Variants in LRRC8D observed in about 807,000 individuals in gnomAD.
LRRC8D encodes the protein volume-regulated anion channel subunit LRRC8D.
A neutral mutation model predicts 55.8 loss-of-function variants in LRRC8D; 20 were observed. That is an observed-to-expected ratio of 0.36 (90% CI 0.25 to 0.52). LRRC8D has a LOEUF of 0.52. Among genes scored for constraint, LRRC8D ranks in the 20% least tolerant of loss-of-function variants. The pLI, the probability that LRRC8D is intolerant of heterozygous loss-of-function variation, is 0.93. For missense variants in LRRC8D, 651 were observed against 1,030.8 expected (o/e 0.63, Z 5.05); for synonymous variants, 352 against 377.0 (o/e 0.93, Z 0.77).
chr1:89,866,280 C>T (rs1270636778), intron 2 of LRRC8D, among the ~76,000 whole-genome samples: 1 of 152,152 alleles, frequency 6.6e-6, no homozygotes, highest in Non-Finnish European at 1.5e-5. Context: ...TTATCAGCAC[C>T]CCAGGAGTAC....
rs1663129271 is a variant in LRRC8D, at chr1:89,911,308, G to A, written c.-2-21759G>A. On this transcript the variant is annotated intron_variant, in intron 2 of 2. Transcript: ENST00000337338. This position sits in a 1 kb window ranked among gnomAD's most constrained non-coding sequence, Gnocchi z 4.0. ...CAATATGGTGGTTAGCAAGATTAATGTTTACCAGTTTGCTGAAGGGAAAAT... is the reference window on the plus strand; with the variant it reads ...CAATATGGTGGTTAGCAAGATTAATATTTACCAGTTTGCTGAAGGGAAAAT... Among the ~76,000 whole-genome samples, 1 of 151,866 alleles carries A rather than the reference G, an allele frequency of 6.6e-6. No individual in the cohort carries two copies. The highest frequency in any genetic ancestry group is 2.4e-5 in the African/African-American group (1 of 41,342).
intron 2 of LRRC8D, among the ~76,000 whole-genome samples, chr1:89,888,098 G>A (rs1662470457): frequency 6.6e-6 from 1 of 152,210 alleles, no homozygotes; most frequent in South Asian, 2.1e-4. Context: ...GAGGTTGGAG[G>A]ATCCCAGGAT....
chr1:89,896,909 G>T (rs1235159169), intron 2 of LRRC8D, among the ~76,000 whole-genome samples: 1 of 152,150 alleles, frequency 6.6e-6, no homozygotes, highest in Non-Finnish European at 1.5e-5. Context: ...TAGACATTAG[G>T]CTAGACACTT....
chr1:89,826,372 C>A (rs1347843546), intron 1 of LRRC8D, among the ~76,000 whole-genome samples: 1 of 152,102 alleles, frequency 6.6e-6, no homozygotes, highest in Non-Finnish European at 1.5e-5. Flanking sequence ...TCACGCCATT[C>A]TCCTGCCTCA....
chr1:89,861,016 A>G (rs1313458205), intron 2 of LRRC8D, among the ~76,000 whole-genome samples: 1 of 151,908 alleles, frequency 6.6e-6, no homozygotes, highest in Non-Finnish European at 1.5e-5. Context: ...TCAACTTCAA[A>G]GCCATGCAGA....
intron 2 of LRRC8D, among the ~76,000 whole-genome samples, chr1:89,930,651 C>T (rs1223084463): frequency 1.3e-5 from 2 of 152,008 alleles, no homozygotes; most frequent in East Asian, 3.8e-4. Context: ...CCCTTTAAAG[C>T]CATGGTCCCC....
At chr1:89,870,521 C>T (rs1034570256) in intron 2 of LRRC8D, among the ~76,000 whole-genome samples, 3 of 151,902 alleles carry the variant, frequency 2.0e-5, no homozygotes, top group African/African-American at 7.3e-5. Context: ...CTCCTGGCCT[C>T]AGTTTTCTAA....
intron 2 of LRRC8D, among the ~76,000 whole-genome samples, chr1:89,860,775 AAAAAAAAAAAAT>A (rs1661687675): frequency 2.3e-5 from 2 of 85,636 alleles, no homozygotes; most frequent in African/African-American, 3.8e-5. Context: ...AAAAAAAAAA[AAAAAAAAAAAAT>A]ATATATATAT....
At chr1:89,900,384 G>A (rs1036398420) in intron 2 of LRRC8D, among the ~76,000 whole-genome samples, 1 of 150,572 alleles carries the variant, frequency 6.6e-6, no homozygotes, top group Non-Finnish European at 1.5e-5. Context: ...AGGTAAAGGT[G>A]GTGAGAGATG....
At chr1:89,840,348 T>C (rs959972998) in intron 1 of LRRC8D, among the ~76,000 whole-genome samples, 52 of 152,142 alleles carry the variant, frequency 3.4e-4, no homozygotes, top group African/African-American at 1.2e-3. Flanking sequence ...TCAGGCCTCA[T>C]GGTAGTTAGG....
At chr1:89,823,641 A>G (rs1660694194) in intron 1 of LRRC8D, among the ~76,000 whole-genome samples, 1 of 152,226 alleles carries the variant, frequency 6.6e-6, no homozygotes, top group Non-Finnish European at 1.5e-5. Context: ...TTGACATTCT[A>G]AGAAACACCA....
At chr1:89,840,639 C>T (rs977464356) in intron 1 of LRRC8D, among the ~76,000 whole-genome samples, 1 of 152,124 alleles carries the variant, frequency 6.6e-6, no homozygotes, top group Admixed American at 6.5e-5. Context: ...CATACAAACT[C>T]TCCTATATAT....
At chr1:89,869,835 C>T (rs568121538) in intron 2 of LRRC8D, among the ~76,000 whole-genome samples, 13 of 152,236 alleles carry the variant, frequency 8.5e-5, no homozygotes, top group East Asian at 3.9e-4. Flanking sequence ...TTTCACACGG[C>T]GTGGTGGCTC....
chr1:89,872,380 A>G (rs1386196635), intron 2 of LRRC8D, among the ~76,000 whole-genome samples: 1 of 152,232 alleles, frequency 6.6e-6, no homozygotes. Flanking sequence ...TGGGGTGGAA[A>G]GCAAAGGCAG....
At chr1:89,833,471 T>G (rs1660932935) in intron 1 of LRRC8D, among the ~76,000 whole-genome samples, 1 of 152,198 alleles carries the variant, frequency 6.6e-6, no homozygotes, top group Admixed American at 6.5e-5. Context: ...TTGGTGAGCT[T>G]CTGAGAGCAC....
chr1:89,887,292 TATA>T (rs1396816724), intron 2 of LRRC8D, among the ~76,000 whole-genome samples: 1 of 152,234 alleles, frequency 6.6e-6, no homozygotes, highest in East Asian at 1.9e-4. Flanking sequence ...TAGCACATAT[TATA>T]ATACCTTATA....
intron 2 of LRRC8D, among the ~76,000 whole-genome samples, chr1:89,914,274 C>T (rs1040123762): frequency 2.0e-5 from 3 of 152,140 alleles, no homozygotes; most frequent in Non-Finnish European, 4.4e-5. Flanking sequence ...ACCAAGCCCA[C>T]GCCCACCCGG....
chr1:89,877,704 G>A (rs567883469), intron 2 of LRRC8D, among the ~76,000 whole-genome samples: 4 of 152,290 alleles, frequency 2.6e-5, no homozygotes, highest in Non-Finnish European at 4.4e-5. Flanking sequence ...CAGTTAACAC[G>A]GTTGGGTCCA....
At chr1:89,890,950 C>T (rs1310083980) in intron 2 of LRRC8D, among the ~76,000 whole-genome samples, 3 of 152,070 alleles carry the variant, frequency 2.0e-5, no homozygotes, top group East Asian at 1.9e-4. Flanking sequence ...GGGGCGATTT[C>T]GGCACACTGC....
Sources: allele counts gnomAD v4.1 joint callset (sites outside exome capture counted in the v4.1 genomes callset), GRCh38; gene constraint gnomAD v4.1.1; non-coding constraint Gnocchi (gnomAD v3.1); transcripts MANE v1.5; gene names NCBI Gene and HGNC (gene_info 2026-07-23, HGNC 2026-07-21).